The following ATRNL1 variants were observed in gnomAD, a reference collection of about 807,000 sequenced individuals.
ATRNL1 encodes the protein attractin-like protein 1.
Under a neutral mutation model 182.7 loss-of-function variants are expected in ATRNL1, and 95 were observed. The observed-to-expected ratio is 0.52, with a 90% CI of 0.44 to 0.62. ATRNL1 has a LOEUF of 0.62. Among genes scored for constraint, ATRNL1 ranks in the 20% least tolerant of loss-of-function variants. ATRNL1 has a pLI of 0.00. For missense variants in ATRNL1, 1,471 were observed against 1,679.5 expected (o/e 0.88, Z 2.17); for synonymous variants, 576 against 568.3 (o/e 1.01, Z -0.19).
At chr10:115,806,664 T>C (rs1949926046) in intron 27 of ATRNL1, among the ~76,000 whole-genome samples, 1 of 152,156 alleles carries the variant, frequency 6.6e-6, no homozygotes. Context: ...ATATGAAATT[T>C]GTCAGATCAG....
chr10:115,398,441 G>T (rs1844394057), intron 20 of ATRNL1, among the ~76,000 whole-genome samples: 1 of 151,876 alleles, frequency 6.6e-6, no homozygotes, highest in South Asian at 2.1e-4. Flanking sequence ...TCTTGCCTGG[G>T]TGTTTTCCTA....
At chr10:115,601,140 T>G (rs10885753) in intron 26 of ATRNL1, among the ~76,000 whole-genome samples, 74,923 of 151,870 alleles carry the variant, frequency 0.49, 19,409 homozygotes, top group African/African-American at 0.6. Context: ...CATGACTTAC[T>G]TAAAAGTATT....
intron 17 of ATRNL1, among the ~76,000 whole-genome samples, chr10:115,308,366 G>T (rs1291685762): frequency 1.3e-5 from 2 of 151,950 alleles, no homozygotes; most frequent in African/African-American, 4.8e-5. Context: ...ATGTATAAAG[G>T]TTCAAATGAA....
intron 1 of ATRNL1, among the ~76,000 whole-genome samples, chr10:115,095,948 A>C (rs2085001467): frequency 6.6e-6 from 1 of 152,174 alleles, no homozygotes; most frequent in Non-Finnish European, 1.5e-5. Flanking sequence ...GAGAAGCTTC[A>C]TTTTAAAGTA....
chr10:115,668,801 G>A (rs369717179), intron 26 of ATRNL1, among the ~76,000 whole-genome samples: 1 of 152,008 alleles, frequency 6.6e-6, no homozygotes, highest in Non-Finnish European at 1.5e-5. Flanking sequence ...ACTCTCATCA[G>A]TGCTTGTCTT....
At chr10:115,496,251 G>T (rs1446025355) in intron 24 of ATRNL1, among the ~76,000 whole-genome samples, 2 of 152,082 alleles carry the variant, frequency 1.3e-5, no homozygotes, top group African/African-American at 4.8e-5. Context: ...TGGTTATTAT[G>T]CAGACTTGTT....
chr10:115,821,771 C>T (rs1950304440), intron 27 of ATRNL1, among the ~76,000 whole-genome samples: 3 of 152,176 alleles, frequency 2.0e-5, no homozygotes, highest in South Asian at 4.1e-4. Context: ...CAGGAGCACC[C>T]AGATTCATAA....
chr10:115,363,432 G>A (rs1856852863), intron 19 of ATRNL1, among the ~76,000 whole-genome samples: 1 of 146,004 alleles, frequency 6.8e-6, no homozygotes, highest in Admixed American at 6.9e-5. Flanking sequence ...TTTGTCAGAT[G>A]AGTAGGTTGC....
In ATRNL1 at chr10:115,264,538, C is replaced by T. The variant is rs181321585; in HGVS notation, c.1688-655C>T. Reference sequence around the variant, plus strand: ...TGAATTATTTTAAATCTCAAATTTACGTTAGTATATATGTCAGTTCTGAGT... The same window carrying T: ...TGAATTATTTTAAATCTCAAATTTATGTTAGTATATATGTCAGTTCTGAGT... On this transcript the variant is annotated intron_variant, in intron 10 of 28. Transcript: ENST00000355044. 7.5e-3 allele frequency among the ~76,000 whole-genome samples: 1,130 copies of T among 151,526 alleles called. 15 individuals are homozygous for T. Among genetic ancestry groups the T allele is most frequent in the Non-Finnish European group, 0.011 (769 of 67,530 alleles).
chr10:115,340,045 GA>G (rs1855666850), intron 19 of ATRNL1, among the ~76,000 whole-genome samples: 1 of 152,158 alleles, frequency 6.6e-6, no homozygotes, highest in Non-Finnish European at 1.5e-5. Flanking sequence ...ATTCCAGGGG[GA>G]TAAATCCCAC....
At chr10:115,770,386 C>T (rs2907587) in intron 27 of ATRNL1, among the ~76,000 whole-genome samples, 151,046 of 152,256 alleles carry the variant, frequency 0.99, 74,935 homozygotes, top group Middle Eastern at 1. Flanking sequence ...ATCAGTGATA[C>T]AGAATTATGT....
intron 8 of ATRNL1, among the ~76,000 whole-genome samples, chr10:115,207,752 G>C (rs1848856599): frequency 6.6e-6 from 1 of 151,854 alleles, no homozygotes; most frequent in South Asian, 2.1e-4. Flanking sequence ...TGAAAAGACA[G>C]CTGTCATTCT....
At chr10:115,408,148 C>T (rs1005611715) in intron 20 of ATRNL1, among the ~76,000 whole-genome samples, 4 of 151,238 alleles carry the variant, frequency 2.6e-5, no homozygotes, top group Admixed American at 2.0e-4. Context: ...GGACTACAGG[C>T]GCCCGCCACC....
chr10:115,195,061 C>G (rs1226547738), intron 8 of ATRNL1, among the ~76,000 whole-genome samples: 2 of 151,910 alleles, frequency 1.3e-5, no homozygotes, highest in African/African-American at 4.8e-5. Flanking sequence ...TACAGTCTAC[C>G]TGAAAAAGTT....
chr10:115,457,961 A>G (rs1847609682), intron 21 of ATRNL1, among the ~76,000 whole-genome samples: 1 of 152,094 alleles, frequency 6.6e-6, no homozygotes, highest in Non-Finnish European at 1.5e-5. Context: ...TCTTCATGCT[A>G]ATTTTTCATT....
rs371824481 is a variant in ATRNL1, at chr10:115,681,252, G to A, written c.3796-45996G>A. On this transcript the variant is annotated intron_variant, in intron 26 of 28. Coordinates refer to ENST00000355044, the MANE Select transcript of ATRNL1 (RefSeq NM_207303.4). ...CCTTCTATGTCATGTGTTAATTAGA[G>A]GCTAAGTCCTTGAAAAGTTAATAGA... Among the ~76,000 whole-genome samples, 31 of 152,200 alleles carry A rather than the reference G, an allele frequency of 2.0e-4. No individual in the cohort carries two copies. The East Asian group carries it at 3.7e-3, about 18-fold the overall frequency.
intron 26 of ATRNL1, among the ~76,000 whole-genome samples, chr10:115,551,532 G>T (rs1465483309): frequency 6.6e-6 from 1 of 151,342 alleles, no homozygotes; most frequent in African/African-American, 2.4e-5. Flanking sequence ...CATCCAGGTA[G>T]TGCTTCTTTC....
intron 8 of ATRNL1, among the ~76,000 whole-genome samples, chr10:115,196,410 A>C (rs1848362432): frequency 6.6e-6 from 1 of 152,132 alleles, no homozygotes; most frequent in Admixed American, 6.6e-5. Context: ...GTTTTGAGCT[A>C]TTCTAGGTCC....
At chr10:115,898,469 C>G (rs1320756179) in intron 28 of ATRNL1, among the ~76,000 whole-genome samples, 1 of 152,190 alleles carries the variant, frequency 6.6e-6, no homozygotes, top group Non-Finnish European at 1.5e-5. Flanking sequence ...ATTGTCTACC[C>G]CATGCTCTAC....
Sources: allele counts gnomAD v4.1 joint callset (sites outside exome capture counted in the v4.1 genomes callset), GRCh38; gene constraint gnomAD v4.1.1; transcripts MANE v1.5; gene names NCBI Gene and HGNC (gene_info 2026-07-23, HGNC 2026-07-21).